The following HDDC2 variants were observed in gnomAD, a reference collection of about 807,000 sequenced individuals.
HDDC2 encodes the protein 5'-deoxynucleotidase HDDC2.
In HDDC2, 25 loss-of-function variants were observed where a neutral mutation model predicts 25.5. That is an observed-to-expected ratio of 0.98 (90% CI 0.72 to 1.37). HDDC2 has a LOEUF of 1.37. Among genes scored for constraint, HDDC2 ranks in the 40% most tolerant of loss-of-function variants. The probability of loss-of-function intolerance (pLI) is 0.00; values close to 1 mark genes in which losing one functional copy is unlikely to be tolerated. For missense variants in HDDC2, 264 were observed against 253.1 expected, an observed-to-expected ratio of 1.04 and a Z score of -0.29; for synonymous variants, 106 against 89.7, an observed-to-expected ratio of 1.18 and a Z score of -1.03.
chr6:125,300,703 TTAAC>T, intron 1 of HDDC2, 44 bp from the exon 2 acceptor site: 1 of 1,586,064 alleles, frequency 6.3e-7, no homozygotes, highest in Non-Finnish European at 8.6e-7. Flanking sequence ...AGAACAAATA[TTAAC>T]TATCTGCTAT....
intron 4 of HDDC2, among the ~76,000 whole-genome samples, chr6:125,290,020 T>C (rs745886226): frequency 6.6e-6 from 1 of 152,242 alleles, no homozygotes; most frequent in Admixed American, 6.5e-5. Flanking sequence ...ATCAAGGATG[T>C]TTAATGGCTG....
chr6:125,301,564 G>C (rs1049307231), intron 1 of HDDC2, among the ~76,000 whole-genome samples: 1 of 150,112 alleles, frequency 6.7e-6, no homozygotes. Flanking sequence ...CAGGCCGGCT[G>C]CTCTCCGGGA....
At chr6:125,300,182 G>A (rs193084324) in intron 2 of HDDC2, 113 of 172,858 alleles carry the variant, frequency 6.5e-4, no homozygotes, top group African/African-American at 2.6e-3. Flanking sequence ...CCAAAAGGAA[G>A]CCTCACGAAT....
intron 3 of HDDC2, among the ~76,000 whole-genome samples, chr6:125,298,497 C>T (rs927762269): frequency 6.6e-6 from 1 of 152,148 alleles, no homozygotes; most frequent in Non-Finnish European, 1.5e-5. Flanking sequence ...CTGTGCAATC[C>T]CAGCTAGTTG....
Position 125,277,257 on chromosome 6 carries a change from T to C in HDDC2, c.379-17A>G. 1 of 1,613,470 alleles carries C rather than the reference T, an allele frequency of 6.2e-7. No homozygotes were observed. Among genetic ancestry groups the C allele is most frequent in the Non-Finnish European group, 8.5e-7 (1 of 1,179,692 alleles). ...CTCGTACTCCTAAGTAAAGGGACAATTAAAGCAGCATGATTAGCGCTGCAT... is the reference window on the plus strand; with the variant it reads ...CTCGTACTCCTAAGTAAAGGGACAACTAAAGCAGCATGATTAGCGCTGCAT... On this transcript the variant is annotated splice_polypyrimidine_tract_variant and intron_variant, in intron 4 of 5. Transcript: ENST00000398153.
chr6:125,283,458 T>G (rs1038922911), intron 4 of HDDC2, among the ~76,000 whole-genome samples: 1 of 152,196 alleles, frequency 6.6e-6, no homozygotes, highest in African/African-American at 2.4e-5. Flanking sequence ...GATAAGCAAC[T>G]TCAGCAAAGC....
chr6:125,288,034 C>G (rs1037354386), intron 4 of HDDC2, among the ~76,000 whole-genome samples: 2 of 152,184 alleles, frequency 1.3e-5, no homozygotes, highest in Admixed American at 6.5e-5. Flanking sequence ...GTGCAGCGAA[C>G]TCCTCACCTG....
At position 125,301,889 on chromosome 6, in the gene HDDC2, C is replaced by G. The variant is rs1259239837; in HGVS notation, c.44G>C (p.Arg15Pro). Reference sequence around the variant, plus strand: ...CAGCCGCAGGAACTGCAGTAGGGACCGAGCCCCGTGGCCCGAGAAGGTCGC... The same window carrying G: ...CAGCCGCAGGAACTGCAGTAGGGACGGAGCCCCGTGGCCCGAGAAGGTCGC... ...SSATFSGHGA[R>P]SLLQFLRLVG... is the part of the protein sequence containing the mutation. Residue 15 changes from arginine to proline, a missense_variant, in exon 1 of 6, where the codon CGG (arginine) becomes CCG (proline). Physicochemically the swap from Arg to Pro is moderately radical, Grantham distance 103 (BLOSUM62 -2). Coordinates refer to ENST00000398153, the MANE Select transcript of HDDC2 (RefSeq NM_016063.3). 3.2e-6 allele frequency: 5 copies of G among 1,551,550 alleles called. No homozygotes were observed. The highest frequency in any genetic ancestry group is 2.6e-6 in the Non-Finnish European group (3 of 1,149,406).
At chr6:125,295,318 A>G (rs892418672) in intron 3 of HDDC2, among the ~76,000 whole-genome samples, 6 of 152,214 alleles carry the variant, frequency 3.9e-5, no homozygotes, top group Non-Finnish European at 8.8e-5. Context: ...ATTTTGTGTC[A>G]GTTTTGTGAC....
intron 3 of HDDC2, among the ~76,000 whole-genome samples, chr6:125,294,257 T>C (rs1169600465): frequency 6.6e-6 from 1 of 152,168 alleles, no homozygotes; most frequent in Non-Finnish European, 1.5e-5. Context: ...AAAATAAAAT[T>C]GGACATTTGT....
chr6:125,282,708 G>A (rs141663656), intron 4 of HDDC2, among the ~76,000 whole-genome samples: 2,926 of 149,770 alleles, frequency 0.02, 88 homozygotes, highest in African/African-American at 0.07. Context: ...CCAATTAAAA[G>A]GCACAGACTG....
chr6:125,285,596 A>T (rs1193219085), intron 4 of HDDC2, among the ~76,000 whole-genome samples: 2 of 152,158 alleles, frequency 1.3e-5, no homozygotes, highest in African/African-American at 4.8e-5. Flanking sequence ...CCCAGAAAAA[A>T]GAATAGCAAA....
At position 125,298,711 on chromosome 6, in the gene HDDC2, G is replaced by A. The variant is rs759719154; in HGVS notation, c.309+3C>T. ...TTTTGCACAGTCAATAGTCAACACT[G>A]ACCTCTTCTCGCCTATGTTTTTCTT... On this transcript the variant is annotated splice_donor_region_variant and intron_variant, in intron 3 of 5. Transcript: ENST00000398153. 23 of 1,610,512 alleles carry A rather than the reference G, an allele frequency of 1.4e-5. No homozygotes were observed. The highest frequency in any genetic ancestry group is 2.0e-5 in the Non-Finnish European group (23 of 1,176,880).
At position 125,300,653 on chromosome 6, in the gene HDDC2, G is replaced by A. The variant is rs1195324556; in HGVS notation, c.91C>T (p.Pro31Ser). The A allele has an allele frequency of 6.2e-7, 1 of 1,611,146 alleles. No individual in the cohort carries two copies. Among genetic ancestry groups the A allele is most frequent in the Non-Finnish European group, 8.5e-7 (1 of 1,179,300 alleles). The change falls in exon 2 of 6, where the codon CCA (proline) becomes TCA (serine). Residue 31 changes from proline to serine, a missense_variant. By Grantham distance (74) the Pro-to-Ser change is moderately conservative. Coordinates refer to ENST00000398153, the MANE Select transcript of HDDC2 (RefSeq NM_016063.3). ...LRLVGQLKRVPRTGWVYRNVQ... is the reference protein window; with the variant it reads ...LRLVGQLKRVSRTGWVYRNVQ... ...TTTCTGTATACCCAGCCAGTTCGTG[G>A]GACTCTCTGATAAATATGAAGAAGA...
chr6:125,286,454 G>A (rs962053255), intron 4 of HDDC2, among the ~76,000 whole-genome samples: 2 of 152,176 alleles, frequency 1.3e-5, no homozygotes, highest in Non-Finnish European at 2.9e-5. Context: ...TGTAAAGAGG[G>A]ATAAAGCAAA....
At chr6:125,300,740 T>C in intron 1 of HDDC2, 81 bp from the exon 2 acceptor site, 2 of 1,375,266 alleles carry the variant, frequency 1.5e-6, no homozygotes, top group South Asian at 1.4e-5. Flanking sequence ...ATGTCCAGGA[T>C]ATAACACACA....
chr6:125,292,747 C>T, intron 4 of HDDC2, 94 bp downstream of exon 4: 1 of 939,658 alleles, frequency 1.1e-6, no homozygotes, highest in Non-Finnish European at 1.7e-6. Context: ...AAGTTAGGGA[C>T]CGCTTGTTAA....
chr6:125,293,500 A>G (rs566006523), intron 3 of HDDC2, among the ~76,000 whole-genome samples: 1 of 152,326 alleles, frequency 6.6e-6, no homozygotes, highest in South Asian at 2.1e-4. Flanking sequence ...TTAAACGGCA[A>G]TTAGCTAAAC....
intron 4 of HDDC2, among the ~76,000 whole-genome samples, chr6:125,280,500 G>A (rs1338900728): frequency 6.6e-6 from 1 of 152,184 alleles, no homozygotes; most frequent in Admixed American, 6.5e-5. Context: ...TTGAAATTCT[G>A]GCAGCCAGCA....
Sources: gnomAD v4.1 joint callset for allele counts (sites outside exome capture counted in the v4.1 genomes callset) on GRCh38, gnomAD v4.1.1 for gene constraint, MANE v1.5 for transcripts, NCBI Gene and HGNC (gene_info 2026-07-23, HGNC 2026-07-21) for gene names.